Variants in EXTL3 observed in about 807,000 individuals in gnomAD.
EXTL3 encodes exostosin like glycosyltransferase 3, also known as exostosin-like 3.
EXTL3 carries 27 observed loss-of-function variants against 69.3 expected under a neutral mutation model. The ratio of observed to expected loss-of-function variants is 0.39; its 90% CI spans 0.29 to 0.54. The LOEUF is 0.54. Ranked by LOEUF, EXTL3 falls within the 20% of genes least tolerant of loss-of-function variation. The pLI is 0.69. For synonymous variants in EXTL3, 511 were observed against 499.4 expected (o/e 1.02, Z -0.31); for missense variants, 1,003 against 1,231.8 (o/e 0.81, Z 2.78).
chr8:28,618,930 GA>G (rs112372191), upstream of EXTL3, among the ~76,000 whole-genome samples: 65 of 141,694 alleles, frequency 4.6e-4, no homozygotes, highest in Middle Eastern at 3.6e-3. Context: ...TAAAAATACA[GA>G]AAAAAAAAAA....
chr8:28,635,820 A>G (rs1806645509), intron 1 of EXTL3, among the ~76,000 whole-genome samples: 2 of 152,152 alleles, frequency 1.3e-5, no homozygotes, highest in African/African-American at 4.8e-5. Context: ...CAGAGAAGAC[A>G]TTTCAGGAGG....
At chr8:28,702,255 C>T (rs1349466393) in intron 1 of EXTL3, among the ~76,000 whole-genome samples, 1 of 152,232 alleles carries the variant, frequency 6.6e-6, no homozygotes, top group African/African-American at 2.4e-5. Flanking sequence ...AGAGGAGCCG[C>T]TTCCTGTCCG....
intron 1 of EXTL3, among the ~76,000 whole-genome samples, chr8:28,638,232 T>G (rs1806686600): frequency 6.6e-6 from 1 of 152,226 alleles, no homozygotes; most frequent in African/African-American, 2.4e-5. Flanking sequence ...AGTGGTGTTT[T>G]GCTTGGTTGG....
At chr8:28,682,323 G>A (rs1158869085) in intron 1 of EXTL3, among the ~76,000 whole-genome samples, 1 of 152,124 alleles carries the variant, frequency 6.6e-6, no homozygotes, top group African/African-American at 2.4e-5. Context: ...GTTGAGTTGA[G>A]TTCTTATATA....
chr8:28,644,298 TTTTC>T (rs368592197), intron 1 of EXTL3, among the ~76,000 whole-genome samples: 446 of 152,276 alleles, frequency 2.9e-3, no homozygotes, highest in Admixed American at 5.2e-3. Flanking sequence ...CGTTTCAAGT[TTTTC>T]TTTTTTTCTT....
intron 1 of EXTL3, among the ~76,000 whole-genome samples, chr8:28,662,638 G>C (rs1807134195): frequency 6.6e-6 from 1 of 152,174 alleles, no homozygotes. Flanking sequence ...GTAGAGCCAG[G>C]CTTGGTGGTT....
intron 5 of EXTL3, chr8:28,742,749 C>A (rs1298061635): frequency 9.5e-6 from 2 of 211,360 alleles, no homozygotes; most frequent in Non-Finnish European, 1.9e-5. Flanking sequence ...TTTTTTTTGG[C>A]CATTGTTAGA....
intron 3 of EXTL3, among the ~76,000 whole-genome samples, chr8:28,728,208 A>G (rs1053664073): frequency 6.6e-6 from 1 of 152,168 alleles, no homozygotes; most frequent in African/African-American, 2.4e-5. Flanking sequence ...TGAAATTGAG[A>G]TGTGTCTTAC....
intron 2 of EXTL3, among the ~76,000 whole-genome samples, chr8:28,616,844 C>T (rs183163744): frequency 6.6e-6 from 1 of 152,316 alleles, no homozygotes; most frequent in Admixed American, 6.5e-5. Flanking sequence ...TGCCTTGGAA[C>T]GCATTGCCTC....
At chr8:28,625,397 TAGAG>T (rs1806476379) in intron 1 of EXTL3, among the ~76,000 whole-genome samples, 3 of 152,286 alleles carry the variant, frequency 2.0e-5, no homozygotes, top group East Asian at 1.9e-4. Flanking sequence ...GAAAGAACAA[TAGAG>T]AGGAACTCAG....
chr8:28,629,944 C>T (rs1417117035), intron 1 of EXTL3, among the ~76,000 whole-genome samples: 1 of 152,014 alleles, frequency 6.6e-6, no homozygotes, highest in Non-Finnish European at 1.5e-5. Flanking sequence ...TCTGGAAGAC[C>T]CACAATTTTC....
intron 1 of EXTL3, among the ~76,000 whole-genome samples, chr8:28,691,758 G>A (rs185123437): frequency 0.024 from 3,596 of 151,796 alleles, 126 homozygotes; most frequent in African/African-American, 0.075. Context: ...TTAGCCAGGC[G>A]TGGTGGCGCG....
Position 28,717,426 on chromosome 8 carries a change from A to G in EXTL3, c.1367A>G (p.Glu456Gly). Residue 456 changes from glutamate (E) to glycine (G), a missense_variant, in exon 3 of 7, where the codon GAA (glutamate) becomes GGA (glycine). Around this residue, in one of 2 missense-constraint regions of EXTL3, gnomAD observed 742 missense variants for 815.4 expected, o/e 0.91. Transcript: ENST00000220562. The surrounding 1 kb of genome is among the most constrained non-coding windows in gnomAD (Gnocchi z 8.3). ...GCAACACGGCTCTTCGAAGCCCTGG[A>G]AGTCGGTGCCGTCCCGGTGGTGCTG... The part of the protein sequence containing the change: ...GCATRLFEAL[E>G]VGAVPVVLGE... 1 of 1,614,050 alleles carries G rather than the reference A, an allele frequency of 6.2e-7. No individual in the cohort carries two copies. Among genetic ancestry groups the G allele is most frequent in the African/African-American group, 1.3e-5 (1 of 75,010 alleles).
rs1048140597 is a variant in EXTL3 at position 28,753,107 on chromosome 8, C to T, written c.*2241C>T. ...TGCCGGTGCTTCCAACAAGGACAGC[C>T]CTCCTTGACCCTGAAAGGAACACTG... is the stretch of plus-strand genomic sequence containing the variant. On this transcript the variant is annotated 3_prime_UTR_variant, in exon 7 of 7. Coordinates refer to ENST00000220562, the MANE Select transcript of EXTL3 (RefSeq NM_001440.4). 1 of 152,218 alleles carries T rather than the reference C, an allele frequency of 6.6e-6. No individual in the cohort carries two copies. Among genetic ancestry groups the T allele is most frequent in the East Asian group, 1.9e-4 (1 of 5,190 alleles). The allele number at this position is 152,218 out of a possible 1,614,324, so 9.4% of individuals were successfully genotyped here.
chr8:28,690,717 G>A (rs1473001674), intron 1 of EXTL3, among the ~76,000 whole-genome samples: 1 of 152,196 alleles, frequency 6.6e-6, no homozygotes, highest in Admixed American at 6.5e-5. Flanking sequence ...TCTCCATAGT[G>A]TTGTCACAAC....
rs1050666504 is a variant in EXTL3 at position 28,662,866 on chromosome 8, G to A, written c.-53+40056G>A. Among the ~76,000 whole-genome samples, 11 of 152,232 alleles carry A rather than the reference G, an allele frequency of 7.2e-5. No homozygotes were observed. In the South Asian group the frequency reaches 8.3e-4, roughly 11 times the overall value. ...TCCAGGCTGCAGTGAGCTGAGCTGC[G>A]ATTGCACCATTGCCCAGTTGTTTGA... On this transcript the variant is annotated intron_variant, in intron 1 of 6. Coordinates refer to the EXTL3 transcript ENST00000523149.
At chr8:28,681,165 G>A (rs1449659206) in intron 1 of EXTL3, among the ~76,000 whole-genome samples, 3 of 151,862 alleles carry the variant, frequency 2.0e-5, no homozygotes, top group South Asian at 2.1e-4. Context: ...GAGCCACTGC[G>A]CCTTGCCAAT....
Position 28,717,442 on chromosome 8 carries a change from G to C in EXTL3, c.1383G>C (p.Pro461=). 2 of 1,614,198 alleles carry C rather than the reference G, an allele frequency of 1.2e-6. No individual in the cohort carries two copies. The highest frequency in any genetic ancestry group is 1.7e-6 in the Non-Finnish European group (2 of 1,180,048). Reference sequence around the variant, plus strand: ...AAGCCCTGGAAGTCGGTGCCGTCCCGGTGGTGCTGGGGGAGCAGGTCCAGC... The same window carrying C: ...AAGCCCTGGAAGTCGGTGCCGTCCCCGTGGTGCTGGGGGAGCAGGTCCAGC... The part of the protein sequence containing the change: ...LFEALEVGAV[P]VVLGEQVQLP... Residue 461 remains proline (P), a synonymous_variant, in exon 3 of 7, where the codon CCG becomes CCC. Coordinates refer to ENST00000220562, the MANE Select transcript of EXTL3 (RefSeq NM_001440.4). This position sits in a 1 kb window ranked among gnomAD's most constrained non-coding sequence, Gnocchi z 8.3.
In EXTL3 at chr8:28,717,346, C is replaced by T; in HGVS notation, c.1287C>T (p.Thr429=). 6.2e-7 allele frequency: 1 copy of T among 1,614,184 alleles called. No individual in the cohort carries two copies. Among genetic ancestry groups the T allele is most frequent in the Non-Finnish European group, 8.5e-7 (1 of 1,180,028 alleles). The change falls in exon 3 of 7, where the codon ACC becomes ACT. Residue 429 remains threonine (T), a synonymous_variant. Coordinates refer to ENST00000220562, the MANE Select transcript of EXTL3 (RefSeq NM_001440.4). The surrounding 1 kb of genome is among the most constrained non-coding windows in gnomAD (Gnocchi z 8.3). ...GCTTGGAATTGCTGAAGCTCTCCAC[C>T]TTCGCCCTCATCATTACCCCCGGGG... ...EDRLELLKLS[T]FALIITPGDP... is the part of the protein sequence containing the mutation.
Sources: allele counts gnomAD v4.1 joint callset (sites outside exome capture counted in the v4.1 genomes callset), GRCh38; gene constraint gnomAD v4.1.1; regional missense constraint gnomAD v4.1.1; non-coding constraint Gnocchi (gnomAD v3.1); transcripts MANE v1.5; gene names NCBI Gene and HGNC (gene_info 2026-07-23, HGNC 2026-07-21).